The following PRELID2 variants were observed in gnomAD, a reference collection of about 807,000 sequenced individuals.
PRELID2 encodes the protein PRELI domain-containing protein 2.
In PRELID2, 25 loss-of-function variants were observed where a neutral mutation model predicts 28.4. The ratio of observed to expected loss-of-function variants is 0.88; its 90% CI spans 0.64 to 1.23. The LOEUF (loss-of-function observed/expected upper bound fraction) is 1.23, where lower values mean the gene tolerates loss of function less well. Among genes scored for constraint, PRELID2 ranks in the 50% most tolerant of loss-of-function variants. The pLI is 0.00. For synonymous variants in PRELID2, 76 were observed against 71.6 expected, an observed-to-expected ratio of 1.06 and a Z score of -0.31; for missense variants, 201 against 214.4, an observed-to-expected ratio of 0.94 and a Z score of 0.39.
chr5:145,298,514 G>A, the PRELID2 span, among the ~76,000 whole-genome samples: 1 of 152,164 alleles, frequency 6.6e-6, no homozygotes, highest in Non-Finnish European at 1.5e-5. Flanking sequence ...TTTAAGAGGA[G>A]GGATTTTAAG....
chr5:145,327,905 G>GT, the PRELID2 span, among the ~76,000 whole-genome samples: 1 of 151,902 alleles, frequency 6.6e-6, no homozygotes, highest in South Asian at 2.1e-4. Context: ...TCTACATTAG[G>GT]TATTACTCCT....
chr5:145,421,914 G>C, the PRELID2 span, among the ~76,000 whole-genome samples: 2 of 151,938 alleles, frequency 1.3e-5, no homozygotes, highest in South Asian at 2.1e-4. Flanking sequence ...ATGCGTCCCA[G>C]AGATTCTGGT....
intron 1 of PRELID2, among the ~76,000 whole-genome samples, chr5:145,686,088 A>G (rs1057165057): frequency 1.3e-5 from 2 of 152,176 alleles, no homozygotes; most frequent in Non-Finnish European, 2.9e-5. Flanking sequence ...TATTCATCAT[A>G]GGTAAAAGTG....
the PRELID2 span, chr5:145,230,027 T>C: frequency 7.0e-6 from 5 of 713,022 alleles, no homozygotes; most frequent in Non-Finnish European, 1.3e-5. Context: ...AATACCATTG[T>C]CTCCAGAGTA....
In PRELID2 at chr5:145,676,093, G is replaced by A. The variant is rs1754808490; in HGVS notation, n.70+88838C>T. Among the ~76,000 whole-genome samples the A allele has an allele frequency of 2.0e-5, 3 of 152,038 alleles. No individual in the cohort carries two copies. In the South Asian group the frequency reaches 6.3e-4, roughly 32 times the overall value. On this transcript the variant is annotated intron_variant and non_coding_transcript_variant, in intron 1 of 2. Transcript: ENST00000510259. ...AAATTAGCCGGGCGTGGTGGCACATGCCTGTAATCCCAGCTACTAGAGAGG... is the reference window on the plus strand; with the variant it reads ...AAATTAGCCGGGCGTGGTGGCACATACCTGTAATCCCAGCTACTAGAGAGG...
the PRELID2 span, among the ~76,000 whole-genome samples, chr5:145,368,980 G>A: frequency 4.0e-5 from 6 of 151,536 alleles, no homozygotes; most frequent in Admixed American, 2.6e-4. Flanking sequence ...TCAACCCTCC[G>A]ATAGGCCCCA....
chr5:145,726,223 A>C (rs751537789), intron 1 of PRELID2, among the ~76,000 whole-genome samples: 6 of 106,624 alleles, frequency 5.6e-5, no homozygotes, highest in Non-Finnish European at 1.1e-4. Flanking sequence ...GAAGAAAGGA[A>C]GGAAGGAAGG....
the PRELID2 span, among the ~76,000 whole-genome samples, chr5:145,351,743 C>T: frequency 6.6e-6 from 1 of 152,096 alleles, no homozygotes; most frequent in Non-Finnish European, 1.5e-5. Context: ...TACCTATGAG[C>T]CTGTAAAATT....
Position 145,617,633 on chromosome 5 carries a change from A to G in PRELID2, n.71-144318T>C, listed in dbSNP as rs371313941. Among the ~76,000 whole-genome samples, 78 of 151,708 alleles carry G rather than the reference A, an allele frequency of 5.1e-4. No individual in the cohort carries two copies. The East Asian group carries it at 0.013, about 25-fold the overall frequency. The stretch of plus-strand genomic sequence containing the variant: ...TTCAAGCGCTGAATTTCTTTCTTCT[A>G]CTTATTTAATTCTATCGATGAGATT... On this transcript the variant is annotated intron_variant and non_coding_transcript_variant, in intron 1 of 2. Coordinates refer to the PRELID2 transcript ENST00000510259.
intron 1 of PRELID2, among the ~76,000 whole-genome samples, chr5:145,550,640 C>T (rs530242841): frequency 2.6e-4 from 40 of 152,034 alleles, no homozygotes; most frequent in Non-Finnish European, 4.6e-4. Context: ...AAAATATTAA[C>T]ACAATTAATA....
chr5:145,735,220 G>A lies in PRELID2; in HGVS notation n.70+29711C>T, dbSNP rs553503323. On this transcript the variant is annotated intron_variant and non_coding_transcript_variant, in intron 1 of 2. Transcript: ENST00000510259. ...AGATTGCACCATTGCACTCCAGCCC[G>A]GGCGACAGTGTGAGTCTCCATCTCA... Among the ~76,000 whole-genome samples, 51 of 150,154 alleles carry A rather than the reference G, an allele frequency of 3.4e-4. 2 individuals carry two copies. The South Asian group carries it at 9.2e-3, about 27-fold the overall frequency.
the PRELID2 span, among the ~76,000 whole-genome samples, chr5:145,296,231 T>G: frequency 6.6e-6 from 1 of 151,992 alleles, no homozygotes; most frequent in Non-Finnish European, 1.5e-5. Context: ...AGGGTACATG[T>G]GCACAATGTG....
intron 5 of PRELID2, among the ~76,000 whole-genome samples, chr5:145,769,991 G>A (rs1758004852): frequency 6.6e-6 from 1 of 152,226 alleles, no homozygotes; most frequent in Non-Finnish European, 1.5e-5. Context: ...CCACAGGACT[G>A]TATAGGAGCT....
At position 145,835,217 on chromosome 5, in the gene PRELID2, T is replaced by A; in HGVS notation, c.35A>T (p.Lys12Met). 6.5e-7 allele frequency: 1 copy of A among 1,550,348 alleles called. No homozygotes were observed. The highest frequency in any genetic ancestry group is 1.4e-5 in the African/African-American group (1 of 73,010). The change falls in exon 1 of 7, where the codon AAG becomes ATG. Residue 12 changes from lysine (K) to methionine (M), a missense_variant. Coordinates refer to ENST00000683046, the MANE Select transcript of PRELID2 (RefSeq NM_205846.3). ...GVSVDVHQVY[K>M]YPFEQVVASF... The stretch of plus-strand genomic sequence containing the variant: ...GGCGACCACCTGCTCGAAGGGGTAC[T>A]TGTACACCTGGTGCACATCCACCGA...
At chr5:145,474,476 A>G (rs1752081938) in intron 1 of PRELID2, among the ~76,000 whole-genome samples, 1 of 152,198 alleles carries the variant, frequency 6.6e-6, no homozygotes, top group African/African-American at 2.4e-5. Context: ...CCATGATGAC[A>G]GTCATTTGGC....
At chr5:145,388,828 T>C in the PRELID2 span, among the ~76,000 whole-genome samples, 1 of 152,170 alleles carries the variant, frequency 6.6e-6, no homozygotes, top group Non-Finnish European at 1.5e-5. Flanking sequence ...TAAAGTAACA[T>C]TTCTCCCATC....
the PRELID2 span, among the ~76,000 whole-genome samples, chr5:145,417,510 G>C: frequency 2.2e-4 from 34 of 151,954 alleles, no homozygotes; most frequent in African/African-American, 8.0e-4. Context: ...TAAAATACTG[G>C]CACACCAAAC....
intron 6 of PRELID2, among the ~76,000 whole-genome samples, chr5:145,761,513 C>CTCA (rs1561579510): frequency 1.1e-4 from 17 of 152,224 alleles, no homozygotes; most frequent in African/African-American, 4.1e-4. Context: ...AGGGGTAAGA[C>CTCA]GTGATCAAAC....
At chr5:145,604,895 A>ATATTCAATTGAAT (rs1422600761) in intron 1 of PRELID2, among the ~76,000 whole-genome samples, 1 of 142,538 alleles carries the variant, frequency 7.0e-6, no homozygotes, top group Non-Finnish European at 1.5e-5. Flanking sequence ...ATATATATAT[A>ATATTCAATTGAAT]TATATATATT....
Sources: gnomAD v4.1 joint callset for allele counts (sites outside exome capture counted in the v4.1 genomes callset) on GRCh38, gnomAD v4.1.1 for gene constraint, MANE v1.5 for transcripts, NCBI Gene and HGNC (gene_info 2026-07-23, HGNC 2026-07-21) for gene names.